RNGTT: variants seen among roughly 807,000 people sequenced by gnomAD.
The protein encoded by RNGTT is mRNA-capping enzyme.
A neutral mutation model predicts 79.3 loss-of-function variants in RNGTT; 33 were observed. That is an observed-to-expected ratio of 0.42 (90% CI 0.32 to 0.56). RNGTT has a LOEUF of 0.56. Ranked by LOEUF, RNGTT falls within the 20% of genes least tolerant of loss-of-function variation. The pLI, the probability that RNGTT is intolerant of heterozygous loss-of-function variation, is 0.17. For missense variants in RNGTT, 497 were observed against 739.1 expected, an observed-to-expected ratio of 0.67 and a Z score of 3.80; for synonymous variants, 222 against 235.9, an observed-to-expected ratio of 0.94 and a Z score of 0.54.
At chr6:88,826,565 C>T (rs1461416837) in intron 11 of RNGTT, among the ~76,000 whole-genome samples, 1 of 151,984 alleles carries the variant, frequency 6.6e-6, no homozygotes, top group Non-Finnish European at 1.5e-5. Context: ...GGGCAGATCA[C>T]CTGAGGCCGG....
At chr6:88,770,819 T>C (rs1255730726) in intron 12 of RNGTT, among the ~76,000 whole-genome samples, 1 of 152,204 alleles carries the variant, frequency 6.6e-6, no homozygotes, top group African/African-American at 2.4e-5. Context: ...CTAAAGTGTG[T>C]GTCTCATCAT....
At chr6:88,619,227 G>A (rs189690346) in intron 14 of RNGTT, among the ~76,000 whole-genome samples, 4 of 151,680 alleles carry the variant, frequency 2.6e-5, no homozygotes, top group Admixed American at 2.6e-4. Flanking sequence ...GTGCAGTGGT[G>A]CGGTCACAGC....
chr6:88,836,999 T>G (rs551576788), intron 11 of RNGTT, among the ~76,000 whole-genome samples: 4 of 152,110 alleles, frequency 2.6e-5, no homozygotes, highest in Admixed American at 2.6e-4. Flanking sequence ...ACATAGGAAG[T>G]GAAAAAGATA....
chr6:88,664,205 G>A (rs929183185), intron 14 of RNGTT, among the ~76,000 whole-genome samples: 1 of 152,112 alleles, frequency 6.6e-6, no homozygotes, highest in African/African-American at 2.4e-5. Flanking sequence ...GAGGAGAGGA[G>A]CCCAAAAGGC....
intron 13 of RNGTT, among the ~76,000 whole-genome samples, chr6:88,697,752 T>C (rs1775729029): frequency 6.6e-6 from 1 of 150,432 alleles, no homozygotes; most frequent in Non-Finnish European, 1.5e-5. Context: ...ATGCCTGTGG[T>C]CTCAGCTACT....
At chr6:88,872,352 C>A (rs1202272523) in intron 8 of RNGTT, among the ~76,000 whole-genome samples, 1 of 152,034 alleles carries the variant, frequency 6.6e-6, no homozygotes, top group Non-Finnish European at 1.5e-5. Context: ...CTTGAAATGA[C>A]AACAGCCCTG....
chr6:88,906,090 T>A (rs941706776), intron 5 of RNGTT, among the ~76,000 whole-genome samples: 2 of 152,124 alleles, frequency 1.3e-5, no homozygotes, highest in Non-Finnish European at 2.9e-5. Flanking sequence ...AATGCTGCAA[T>A]GAGCCATGAT....
In RNGTT at chr6:88,662,376, A is replaced by G. The variant is rs770495014; in HGVS notation, c.1506+15977T>C. 3.3e-5 allele frequency among the ~76,000 whole-genome samples: 5 copies of G among 152,304 alleles called. No individual in the cohort carries two copies. In the East Asian group the frequency reaches 9.7e-4, roughly 29 times the overall value. On this transcript the variant is annotated intron_variant, in intron 14 of 15. Transcript: ENST00000369485. ...TTCTGCTAGCCCCCATCACTGATGC[A>G]TGTAGCTCTCAGTCACGTAGCCCCC...
At chr6:88,669,036 C>T (rs1445350855) in intron 14 of RNGTT, among the ~76,000 whole-genome samples, 4 of 152,130 alleles carry the variant, frequency 2.6e-5, no homozygotes, top group Admixed American at 1.3e-4. Flanking sequence ...CTTGCACCTC[C>T]GGTAACTGTA....
At position 88,904,779 on chromosome 6, in the gene RNGTT, T is replaced by C. The variant is rs1241439530; in HGVS notation, c.620A>G (p.Lys207Arg). ...DEDEDEDEDG[K>R]KESEPGSSAS... ...ACTTGACCCGGGTTCTGATTCCTTC[T>C]TTCCATCCTCATCCTCATCTTCGTC... The change falls in exon 6 of 16, where the codon AAG becomes AGG. Residue 207 changes from lysine to arginine, a missense_variant. Physicochemically the swap from Lys to Arg is conservative, Grantham distance 26 (BLOSUM62 2). Coordinates refer to ENST00000369485, the MANE Select transcript of RNGTT (RefSeq NM_003800.5). 1 of 1,614,162 alleles carries C rather than the reference T, an allele frequency of 6.2e-7. No homozygotes were observed. The highest frequency in any genetic ancestry group is 8.5e-7 in the Non-Finnish European group (1 of 1,180,034).
rs532447758 is a variant in RNGTT, at chr6:88,747,492, G to A, written c.1439+22282C>T. On this transcript the variant is annotated intron_variant, in intron 13 of 15. Transcript: ENST00000369485. ...CCTTATACTACTGTGGTAGAAGCGA[G>A]GGAGTAAAGATCCTGAAGGAGATAG... Among the ~76,000 whole-genome samples, 27 of 152,284 alleles carry A rather than the reference G, an allele frequency of 1.8e-4. No individual in the cohort carries two copies. In the South Asian group the frequency reaches 5.6e-3, roughly 32 times the overall value.
intron 14 of RNGTT, among the ~76,000 whole-genome samples, chr6:88,673,687 C>T (rs1202163272): frequency 1.3e-5 from 2 of 152,044 alleles, no homozygotes; most frequent in Admixed American, 6.6e-5. Flanking sequence ...CTTTTGTCAC[C>T]GAGCTTGTTA....
chr6:88,809,138 C>T (rs774289211), intron 11 of RNGTT, among the ~76,000 whole-genome samples: 2 of 152,028 alleles, frequency 1.3e-5, no homozygotes, highest in Non-Finnish European at 2.9e-5. Context: ...CAAGAAATTA[C>T]TAGAGATGAA....
chr6:88,783,771 G>C (rs1034096957), intron 12 of RNGTT, among the ~76,000 whole-genome samples: 3 of 113,458 alleles, frequency 2.6e-5, no homozygotes, highest in African/African-American at 9.6e-5. Context: ...TGCAATGTAG[G>C]AGGTTTAACA....
intron 2 of RNGTT, among the ~76,000 whole-genome samples, chr6:88,934,822 C>G (rs1192159764): frequency 2.0e-5 from 3 of 151,958 alleles, no homozygotes; most frequent in Admixed American, 1.3e-4. Flanking sequence ...CTCTGTTGCA[C>G]AGGCTGTTCT....
intron 9 of RNGTT, among the ~76,000 whole-genome samples, chr6:88,851,911 A>G (rs1313844737): frequency 6.6e-6 from 1 of 152,014 alleles, no homozygotes; most frequent in Non-Finnish European, 1.5e-5. Context: ...TCCAAGTTTG[A>G]GGTGAAATAA....
intron 8 of RNGTT, among the ~76,000 whole-genome samples, chr6:88,881,942 A>C (rs189522264): frequency 1.2e-4 from 19 of 152,304 alleles, no homozygotes; most frequent in Admixed American, 4.6e-4. Context: ...TATAAGATTT[A>C]ACCTTTCTTT....
intron 6 of RNGTT, among the ~76,000 whole-genome samples, chr6:88,900,028 A>G (rs528595157): frequency 6.6e-6 from 1 of 152,322 alleles, no homozygotes; most frequent in Admixed American, 6.5e-5. Flanking sequence ...TGTAGAAGCA[A>G]AAGTAAATCC....
chr6:88,839,056 CAAA>C (rs34355123), intron 11 of RNGTT, among the ~76,000 whole-genome samples: 1 of 131,784 alleles, frequency 7.6e-6, no homozygotes. Context: ...TATCTATATG[CAAA>C]AAAAAAAAAA....
Sources: gnomAD v4.1 joint callset for allele counts (sites outside exome capture counted in the v4.1 genomes callset) on GRCh38, gnomAD v4.1.1 for gene constraint, MANE v1.5 for transcripts, NCBI Gene and HGNC (gene_info 2026-07-23, HGNC 2026-07-21) for gene names.